Variants in NBEA observed in about 807,000 individuals in gnomAD.
NBEA encodes neurobeachin.
Under a neutral mutation model 343.4 loss-of-function variants are expected in NBEA, and 44 were observed. The ratio of observed to expected loss-of-function variants is 0.13; its 90% CI spans 0.10 to 0.16. The LOEUF (loss-of-function observed/expected upper bound fraction) is 0.16, where lower values mean the gene tolerates loss of function less well. Ranked by LOEUF, NBEA falls within the 10% of genes least tolerant of loss-of-function variation. NBEA has a pLI of 1.00. For synonymous variants in NBEA, 1,175 were observed against 1,238.7 expected, an observed-to-expected ratio of 0.95 and a Z score of 1.08; for missense variants, 2,555 against 3,631.3, an observed-to-expected ratio of 0.70 and a Z score of 7.62.
At chr13:35,042,363 A>G (rs188736267) in intron 2 of NBEA, among the ~76,000 whole-genome samples, 32 of 151,968 alleles carry the variant, frequency 2.1e-4, no homozygotes, top group Admixed American at 3.3e-4. Flanking sequence ...TAGCATTTCT[A>G]TAAATTCTAG....
chr13:34,943,987 A>C (rs1004116460), intron 1 of NBEA, among the ~76,000 whole-genome samples: 6 of 152,226 alleles, frequency 3.9e-5, no homozygotes, highest in African/African-American at 1.4e-4. Flanking sequence ...AGGGAAAGAA[A>C]TGGAAAGAAG....
At chr13:35,403,844 G>A (rs577518991) in intron 38 of NBEA, among the ~76,000 whole-genome samples, 140 of 152,170 alleles carry the variant, frequency 9.2e-4, no homozygotes, top group African/African-American at 3.1e-3. Flanking sequence ...GAAAATTTTC[G>A]CGACCTACTC....
At chr13:34,959,616 C>CT (rs2059598715) in intron 1 of NBEA, among the ~76,000 whole-genome samples, 2 of 151,820 alleles carry the variant, frequency 1.3e-5, no homozygotes, top group African/African-American at 4.8e-5. Context: ...AGCATTTTTT[C>CT]TTTTTAAAAG....
rs750228830 is a variant in NBEA at position 35,070,870 on chromosome 13, G to T, written c.1571+18G>T. On this transcript the variant is annotated intron_variant, in intron 10 of 58. Coordinates refer to ENST00000379939, the MANE Select transcript of NBEA (RefSeq NM_001385012.1). ...ACTGTCTGGTAAGTTTTCTTTGCAT[G>T]TACAATTGCTGGTATTTTATACACA... 3.1e-6 allele frequency: 5 copies of T among 1,608,662 alleles called. No individual in the cohort carries two copies. Among genetic ancestry groups the T allele is most frequent in the South Asian group, 2.2e-5 (2 of 90,776 alleles).
chr13:35,316,616 A>G (rs1358463901), intron 36 of NBEA, among the ~76,000 whole-genome samples: 1 of 152,166 alleles, frequency 6.6e-6, no homozygotes, highest in Non-Finnish European at 1.5e-5. Flanking sequence ...TCCTTTGGGT[A>G]TATACCCAGT....
chr13:35,166,051 G>A (rs1282875766), intron 24 of NBEA, among the ~76,000 whole-genome samples: 1 of 151,824 alleles, frequency 6.6e-6, no homozygotes, highest in Non-Finnish European at 1.5e-5. Context: ...CATTTTTCTT[G>A]ATCATATAAA....
At chr13:34,981,711 C>T (rs1215004138) in intron 1 of NBEA, among the ~76,000 whole-genome samples, 3 of 150,344 alleles carry the variant, frequency 2.0e-5, no homozygotes, top group Non-Finnish European at 4.4e-5. Flanking sequence ...AAACATTGGC[C>T]TGCACTTTTC....
chr13:35,136,550 T>G (rs923698363), intron 17 of NBEA, among the ~76,000 whole-genome samples: 1 of 152,258 alleles, frequency 6.6e-6, no homozygotes, highest in Non-Finnish European at 1.5e-5. Context: ...AGATATATAG[T>G]ATTTAAATAA....
At chr13:35,352,535 A>G (rs2040247653) in intron 38 of NBEA, among the ~76,000 whole-genome samples, 1 of 152,102 alleles carries the variant, frequency 6.6e-6, no homozygotes, top group Admixed American at 6.6e-5. Flanking sequence ...AGTGGAAGTT[A>G]TTTCTACTTT....
chr13:35,149,009 G>A (rs2068606565), intron 18 of NBEA, among the ~76,000 whole-genome samples: 1 of 152,144 alleles, frequency 6.6e-6, no homozygotes, highest in South Asian at 2.1e-4. Context: ...AAATTTAAGA[G>A]TGGCTGCTCT....
intron 39 of NBEA, among the ~76,000 whole-genome samples, chr13:35,441,887 C>T (rs78182118): frequency 2.0e-5 from 3 of 150,110 alleles, no homozygotes; most frequent in Non-Finnish European, 3.0e-5. Context: ...GCAAGAAAGT[C>T]TCCCCACCCT....
At chr13:35,260,359 C>G (rs1288735362) in intron 34 of NBEA, among the ~76,000 whole-genome samples, 1 of 152,130 alleles carries the variant, frequency 6.6e-6, no homozygotes, top group Non-Finnish European at 1.5e-5. Context: ...TAATAATTTC[C>G]AATTATAATC....
At chr13:35,604,532 T>G (rs2082201070) in intron 47 of NBEA, among the ~76,000 whole-genome samples, 2 of 151,420 alleles carry the variant, frequency 1.3e-5, no homozygotes, top group African/African-American at 2.4e-5. Context: ...TACATGCATA[T>G]ACACCACATC....
chr13:35,197,725 A>C (rs2072722839), intron 31 of NBEA, among the ~76,000 whole-genome samples: 1 of 151,768 alleles, frequency 6.6e-6, no homozygotes, highest in Admixed American at 6.6e-5. Context: ...CTGGTCTTGA[A>C]CTCTGACCTC....
At chr13:35,218,619 A>G (rs552375295) in intron 33 of NBEA, among the ~76,000 whole-genome samples, 1 of 151,834 alleles carries the variant, frequency 6.6e-6, no homozygotes, top group South Asian at 2.1e-4. Flanking sequence ...ATCATTAACT[A>G]TGATGCTTCT....
rs553453782 is a variant in NBEA at position 35,587,453 on chromosome 13, G to C, written c.7176+3415G>C. On this transcript the variant is annotated intron_variant, in intron 46 of 58. Transcript: ENST00000379939. ...TCAGGTCCCGTCAATGACAATCATT[G>C]CCTTAGTGAGCCACCACCATGGAGG... Among the ~76,000 whole-genome samples, 9 of 152,206 alleles carry C rather than the reference G, an allele frequency of 5.9e-5. No homozygotes were observed. In the South Asian group the frequency reaches 1.9e-3, roughly 32 times the overall value.
In NBEA at chr13:35,027,411, C is replaced by T. The variant is rs543227311; in HGVS notation, c.295-13522C>T. ...TTTTTTTTTTGCATCCACACCAGCA[C>T]TTGCTGTTACTACTGTTTTCTGTTT... On this transcript the variant is annotated intron_variant, in intron 1 of 58. Coordinates refer to ENST00000379939, the MANE Select transcript of NBEA (RefSeq NM_001385012.1). Among the ~76,000 whole-genome samples the T allele has an allele frequency of 3.3e-5, 5 of 151,638 alleles. No individual in the cohort carries two copies. The South Asian group carries it at 1.0e-3, about 32-fold the overall frequency.
chr13:35,073,110 AT>A (rs1282018543), intron 10 of NBEA, among the ~76,000 whole-genome samples: 1 of 152,170 alleles, frequency 6.6e-6, no homozygotes, highest in Non-Finnish European at 1.5e-5. Flanking sequence ...ATAGAAAAGT[AT>A]GTGCATCAGT....
intron 41 of NBEA, among the ~76,000 whole-genome samples, chr13:35,510,953 T>G (rs2077252284): frequency 6.6e-6 from 1 of 152,176 alleles, no homozygotes; most frequent in African/African-American, 2.4e-5. Context: ...CATTTTAATA[T>G]TTTAGTCCTA....
Sources: gnomAD v4.1 joint callset for allele counts (sites outside exome capture counted in the v4.1 genomes callset) on GRCh38, gnomAD v4.1.1 for gene constraint, MANE v1.5 for transcripts, NCBI Gene and HGNC (gene_info 2026-07-23, HGNC 2026-07-21) for gene names.